LHX6: variants seen among roughly 807,000 people sequenced by gnomAD.
The protein encoded by LHX6 is LIM/homeobox protein Lhx6.
In LHX6, 15 loss-of-function variants were observed where a neutral mutation model predicts 47.1. That is an observed-to-expected ratio of 0.32 (90% CI 0.21 to 0.49). LHX6 has a LOEUF of 0.49. LHX6 is among the 20% of genes least tolerant of loss of function. The pLI, the probability that LHX6 is intolerant of heterozygous loss-of-function variation, is 0.99. For synonymous variants in LHX6, 242 were observed against 233.5 expected, an observed-to-expected ratio of 1.04 and a Z score of -0.33; for missense variants, 404 against 539.6, an observed-to-expected ratio of 0.75 and a Z score of 2.49.
chr9:122,216,374 C>A (rs1194129055), intron 5 of LHX6, among the ~76,000 whole-genome samples: 1 of 152,180 alleles, frequency 6.6e-6, no homozygotes, highest in African/African-American at 2.4e-5. Context: ...TGTTCCTGGG[C>A]AATCTGGGGA....
In LHX6 at chr9:122,227,440, C is replaced by A; in HGVS notation, c.125G>T (p.Arg42Leu). The part of the protein sequence containing the change: ...QPGSGCKATT[R>L]CLEGTAPPAM... ...GGGCGGCGCGGTCCCTTCAAGACAGCGGGTGGTCGCTTTGCAGCCGGACCC... is the reference window on the plus strand; with the variant it reads ...GGGCGGCGCGGTCCCTTCAAGACAGAGGGTGGTCGCTTTGCAGCCGGACCC... The change falls in exon 2 of 10, where the codon CGC (arginine) becomes CTC (leucine). Residue 42 changes from arginine to leucine, a missense_variant. Physicochemically the swap from Arg to Leu is moderately radical, Grantham distance 102. Around this residue, in one of 7 missense-constraint regions of LHX6, gnomAD observed 144 missense variants for 128.7 expected, o/e 1.12. Coordinates refer to ENST00000394319, the MANE Select transcript of LHX6 (RefSeq NM_014368.5). 3.2e-6 allele frequency: 4 copies of A among 1,261,808 alleles called. No individual in the cohort carries two copies. The highest frequency in any genetic ancestry group is 3.1e-6 in the Non-Finnish European group (3 of 975,180). 78.2% of individuals were successfully genotyped at this position (1,261,808 alleles called of 1,614,324 possible).
At chr9:122,205,403 C>T (rs1268985620) in intron 9 of LHX6, among the ~76,000 whole-genome samples, 2 of 152,286 alleles carry the variant, frequency 1.3e-5, no homozygotes, top group African/African-American at 2.4e-5. Flanking sequence ...ACTGGGTGCC[C>T]GATACACAGT....
chr9:122,217,782 A>C lies in LHX6; in HGVS notation c.462-494T>G, dbSNP rs1186314096. Among the ~76,000 whole-genome samples the C allele has an allele frequency of 6.6e-6, 1 of 152,192 alleles. No homozygotes were observed. The highest frequency in any genetic ancestry group is 1.5e-5 in the Non-Finnish European group (1 of 68,046). ...CCTAGCGATCCTGCTCCAGAGATGA[A>C]TATAAGCTATAGCGCCAGCTGTACA... On this transcript the variant is annotated intron_variant, in intron 4 of 9. Transcript: ENST00000394319. This position sits in a 1 kb window ranked among gnomAD's most constrained non-coding sequence, Gnocchi z 4.9.
chr9:122,228,284 C>A (rs1304116931), intron 1 of LHX6: 1 of 1,535,120 alleles, frequency 6.5e-7, no homozygotes, highest in Admixed American at 2.0e-5. Context: ...AAGCACCCTC[C>A]AGCCCCTCGG....
intron 9 of LHX6, among the ~76,000 whole-genome samples, chr9:122,208,891 A>C (rs72767788): frequency 0.11 from 16,821 of 150,084 alleles, 1,244 homozygotes; most frequent in Middle Eastern, 0.23. Flanking sequence ...ACTTTGAGCT[A>C]TCTGGGCCTC....
chr9:122,228,300 C>T (rs1831194056), intron 1 of LHX6: 1 of 1,534,752 alleles, frequency 6.5e-7, no homozygotes, highest in African/African-American at 1.4e-5. Context: ...CTCGGCGCGC[C>T]GGGTACCGGC....
At chr9:122,223,522 T>C (rs1011892015) in intron 4 of LHX6, among the ~76,000 whole-genome samples, 1 of 152,140 alleles carries the variant, frequency 6.6e-6, no homozygotes, top group Non-Finnish European at 1.5e-5. Context: ...TTATAGAGAC[T>C]TCCCCCCAAC....
intron 4 of LHX6, among the ~76,000 whole-genome samples, chr9:122,224,937 G>T (rs1831030734): frequency 6.6e-6 from 1 of 151,994 alleles, no homozygotes; most frequent in African/African-American, 2.4e-5. Context: ...TGGTTGAGCT[G>T]CCCCCACCCC....
rs368168207 is a variant in LHX6, at chr9:122,204,757, G to A, written c.*3C>T. Reference sequence around the variant, plus strand: ...ACGGGCAGATGCGGAAGTGCCGGCAGCGTTAGTACTGAAAAAGGATGACCT... The same window carrying A: ...ACGGGCAGATGCGGAAGTGCCGGCAACGTTAGTACTGAAAAAGGATGACCT... On this transcript the variant is annotated 3_prime_UTR_variant, in exon 10 of 10. Transcript: ENST00000394319. The A allele has an allele frequency of 6.3e-6, 10 of 1,597,514 alleles. No individual in the cohort carries two copies. Among genetic ancestry groups the A allele is most frequent in the Admixed American group, 5.2e-5 (3 of 57,984 alleles).
At position 122,226,239 on chromosome 9, in the gene LHX6, T is replaced by G; in HGVS notation, c.461+137A>C. 1 of 1,177,176 alleles carries G rather than the reference T, an allele frequency of 8.5e-7. No homozygotes were observed. The highest frequency in any genetic ancestry group is 1.2e-6 in the Non-Finnish European group (1 of 862,482). 72.9% of individuals were successfully genotyped at this position (1,177,176 alleles called of 1,614,324 possible). A position where few individuals can be genotyped will look rare whatever the true frequency, so the allele number is the denominator to read the frequency against. On this transcript the variant is annotated intron_variant, in intron 4 of 9. Coordinates refer to ENST00000394319, the MANE Select transcript of LHX6 (RefSeq NM_014368.5). This position sits in a 1 kb window ranked among gnomAD's most constrained non-coding sequence, Gnocchi z 6.5. ...TTCGCGCCGCTGAGCGCCGGCAGGTTGGACCAGCGCTGCGCGCCGGAAGTG... is the reference window on the plus strand; with the variant it reads ...TTCGCGCCGCTGAGCGCCGGCAGGTGGGACCAGCGCTGCGCGCCGGAAGTG...
intron 8 of LHX6, among the ~76,000 whole-genome samples, chr9:122,211,074 T>C (rs1370618919): frequency 6.6e-6 from 1 of 152,188 alleles, no homozygotes; most frequent in Non-Finnish European, 1.5e-5. Context: ...TCTAAAACTG[T>C]TGGGGAAAGT....
Position 122,226,893 on chromosome 9 carries a change from G to C in LHX6, c.294C>G (p.Ile98Met). 1 of 1,566,612 alleles carries C rather than the reference G, an allele frequency of 6.4e-7. No homozygotes were observed. The highest frequency in any genetic ancestry group is 8.7e-7 in the Non-Finnish European group (1 of 1,155,834). ...GGATCTCGAGGCCGCAGCTGGAGCA[G>C]ATGTTCTTGCCTGCAGACGGCACGG... Reference protein sequence around the residue: ...ASSVPSAGKNICSSCGLEILD... With the variant: ...ASSVPSAGKNMCSSCGLEILD... The change falls in exon 3 of 10, where the codon ATC (isoleucine) becomes ATG (methionine). Residue 98 changes from isoleucine to methionine, a missense_variant. Transcript: ENST00000394319. The surrounding 1 kb of genome is among the most constrained non-coding windows in gnomAD (Gnocchi z 6.5).
intron 2 of LHX6, 98 bp downstream of exon 2, chr9:122,227,311 G>T: frequency 8.1e-7 from 1 of 1,230,202 alleles, no homozygotes; most frequent in Non-Finnish European, 1.1e-6. Flanking sequence ...GAGTCCCCCA[G>T]AGCGTGAGCA....
intron 9 of LHX6, 47 bp downstream of exon 9, chr9:122,209,567 C>G (rs1451719629): frequency 1.4e-5 from 23 of 1,612,558 alleles, no homozygotes; most frequent in Non-Finnish European, 1.9e-5. Context: ...AAACCCATCC[C>G]CAGCAGGGTG....
chr9:122,219,186 C>T (rs1267291897), intron 4 of LHX6, among the ~76,000 whole-genome samples: 4 of 152,262 alleles, frequency 2.6e-5, no homozygotes, highest in Non-Finnish European at 5.9e-5. Context: ...TTGGGTTGGA[C>T]TGAGTGCAGG....
chr9:122,222,346 CAGAA>C (rs1474285705), intron 4 of LHX6, among the ~76,000 whole-genome samples: 2 of 152,152 alleles, frequency 1.3e-5, no homozygotes. Flanking sequence ...TGGAAGAAAA[CAGAA>C]AGAAAAATGG....
At chr9:122,227,831 A>G (rs1402478302) in intron 1 of LHX6, 1 of 352,056 alleles carries the variant, frequency 2.8e-6, no homozygotes, top group Admixed American at 4.5e-5. Context: ...AATGCCCAAG[A>G]TAAGAGGTAG....
intron 9 of LHX6, among the ~76,000 whole-genome samples, chr9:122,209,272 A>G (rs1263632971): frequency 6.6e-6 from 1 of 152,244 alleles, no homozygotes; most frequent in Non-Finnish European, 1.5e-5. Flanking sequence ...AAGAATGAAA[A>G]GGAGAAACCA....
chr9:122,209,745 C>T, intron 8 of LHX6, 28 bp from the exon 9 acceptor site: 1 of 780,952 alleles, frequency 1.3e-6, no homozygotes, highest in Non-Finnish European at 2.4e-6. Flanking sequence ...CCTTGGAGCT[C>T]ATCCCCCAGG....
Sources: gnomAD v4.1 joint callset for allele counts (sites outside exome capture counted in the v4.1 genomes callset) on GRCh38, gnomAD v4.1.1 for gene constraint, gnomAD v4.1.1 regional missense constraint, Gnocchi (gnomAD v3.1) non-coding constraint, MANE v1.5 for transcripts, NCBI Gene and HGNC (gene_info 2026-07-23, HGNC 2026-07-21) for gene names.